GRIK1: variants seen among roughly 807,000 people sequenced by gnomAD.
GRIK1 encodes glutamate ionotropic receptor kainate type subunit 1.
A neutral mutation model predicts 105.7 loss-of-function variants in GRIK1; 69 were observed. The observed-to-expected ratio is 0.65, with a 90% CI of 0.54 to 0.80. The LOEUF (loss-of-function observed/expected upper bound fraction) is 0.80. GRIK1 is among the 30% of genes least tolerant of loss of function. GRIK1 has a pLI of 0.00. For missense variants in GRIK1, 1,109 were observed against 1,167.3 expected (o/e 0.95, Z 0.73); for synonymous variants, 438 against 431.3 (o/e 1.02, Z -0.19).
At chr21:29,642,780 A>T (rs1259548312) in intron 7 of GRIK1, 46 bp downstream of exon 7, 2 of 1,589,878 alleles carry the variant, frequency 1.3e-6, no homozygotes, top group Non-Finnish European at 1.7e-6. Flanking sequence ...GGGCAAGCCC[A>T]ACAGTGCTCA....
chr21:29,670,680 C>T (rs1159284665), intron 4 of GRIK1, among the ~76,000 whole-genome samples: 1 of 152,200 alleles, frequency 6.6e-6, no homozygotes, highest in African/African-American at 2.4e-5. Flanking sequence ...TCTGTTACAA[C>T]AGGCCCCTGG....
chr21:29,587,095 A>G lies in GRIK1; in HGVS notation c.1793+271T>C, dbSNP rs553538885. 1.7e-4 allele frequency among the ~76,000 whole-genome samples: 26 copies of G among 152,320 alleles called. No individual in the cohort carries two copies. In the East Asian group the frequency reaches 5.0e-3, roughly 29 times the overall value. On this transcript the variant is annotated intron_variant, in intron 12 of 17. Coordinates refer to ENST00000327783, the MANE Select transcript of GRIK1 (RefSeq NM_001330994.2). ...ATTACTTTTGTTATAAATCAAGGAAAATGGCTAAATAACCATTTTATGTTG... is the reference window on the plus strand; with the variant it reads ...ATTACTTTTGTTATAAATCAAGGAAGATGGCTAAATAACCATTTTATGTTG...
chr21:29,683,753 C>T (rs917255301), intron 3 of GRIK1, among the ~76,000 whole-genome samples: 2 of 152,122 alleles, frequency 1.3e-5, no homozygotes, highest in African/African-American at 4.8e-5. Context: ...TCATATGTAC[C>T]CTTTAATCTA....
In GRIK1 at chr21:29,832,575, C is replaced by T. The variant is rs116349722; in HGVS notation, c.118+106808G>A. Among the ~76,000 whole-genome samples the T allele has an allele frequency of 7.7e-3, 1,167 of 152,288 alleles. 16 individuals carry two copies. The highest frequency in any genetic ancestry group is 0.027 in the African/African-American group (1,122 of 41,558). ...GCCATCAAATCTTATGGGTTGTACACTCTGGAGCAGTAGCCTGAGGTGTAT... is the reference window on the plus strand; with the variant it reads ...GCCATCAAATCTTATGGGTTGTACATTCTGGAGCAGTAGCCTGAGGTGTAT... On this transcript the variant is annotated intron_variant, in intron 1 of 17. Transcript: ENST00000327783.
At chr21:29,870,879 C>T (rs977981279) in intron 1 of GRIK1, among the ~76,000 whole-genome samples, 12 of 152,132 alleles carry the variant, frequency 7.9e-5, no homozygotes, top group South Asian at 2.1e-4. Flanking sequence ...GCCTTTGAGA[C>T]GTAAACTTTT....
At position 29,857,334 on chromosome 21, in the gene GRIK1, T is replaced by G. The variant is rs546349273; in HGVS notation, c.118+82049A>C. Among the ~76,000 whole-genome samples, 5 of 152,342 alleles carry G rather than the reference T, an allele frequency of 3.3e-5. No homozygotes were observed. In the South Asian group the frequency reaches 1.0e-3, roughly 32 times the overall value. ...TTCAAATTTGTGTTCTTTCCCATGA[T>G]TTCACACTGCCTTCCAAGCCTGGCA... On this transcript the variant is annotated intron_variant, in intron 1 of 17. Transcript: ENST00000327783.
chr21:29,563,507 G>A (rs960787596), intron 14 of GRIK1, among the ~76,000 whole-genome samples: 1 of 152,264 alleles, frequency 6.6e-6, no homozygotes, highest in South Asian at 2.1e-4. Flanking sequence ...CCACAGCCCC[G>A]GAGATATCTG....
chr21:29,806,363 T>C (rs1160777911), intron 1 of GRIK1, among the ~76,000 whole-genome samples: 1 of 152,094 alleles, frequency 6.6e-6, no homozygotes, highest in African/African-American at 2.4e-5. Context: ...AAGCTTTTTT[T>C]TTTCTCTCAA....
chr21:29,685,592 C>T (rs1490970953), intron 3 of GRIK1, among the ~76,000 whole-genome samples: 2 of 152,072 alleles, frequency 1.3e-5, no homozygotes, highest in African/African-American at 2.4e-5. Flanking sequence ...ATATTCAATG[C>T]TTTTGTTGTC....
chr21:29,767,058 G>A (rs1045039452), intron 1 of GRIK1, among the ~76,000 whole-genome samples: 4 of 152,136 alleles, frequency 2.6e-5, no homozygotes, highest in African/African-American at 7.2e-5. Context: ...AAATTCCCAA[G>A]CTAGCTAGAC....
chr21:29,781,245 T>C (rs2066090235), intron 1 of GRIK1, among the ~76,000 whole-genome samples: 1 of 152,176 alleles, frequency 6.6e-6, no homozygotes, highest in South Asian at 2.1e-4. Context: ...CTTTGCAACA[T>C]GCTCCTTCCT....
At chr21:29,804,754 G>T (rs1257038743) in intron 1 of GRIK1, among the ~76,000 whole-genome samples, 1 of 152,150 alleles carries the variant, frequency 6.6e-6, no homozygotes, top group African/African-American at 2.4e-5. Flanking sequence ...GCATGCAAAT[G>T]CCAGTTTGTG....
chr21:29,543,604 A>T (rs2090004825), intron 16 of GRIK1, among the ~76,000 whole-genome samples: 1 of 152,166 alleles, frequency 6.6e-6, no homozygotes, highest in South Asian at 2.1e-4. Context: ...CTTGGAATTT[A>T]AAAAAAGTGA....
intron 1 of GRIK1, among the ~76,000 whole-genome samples, chr21:29,901,842 A>G (rs948138303): frequency 2.6e-5 from 4 of 152,152 alleles, no homozygotes; most frequent in African/African-American, 7.2e-5. Flanking sequence ...AGACACAAGA[A>G]AAAAAAGGAG....
chr21:29,745,470 C>T (rs1398240400), intron 1 of GRIK1, among the ~76,000 whole-genome samples: 1 of 152,178 alleles, frequency 6.6e-6, no homozygotes, highest in Non-Finnish European at 1.5e-5. Flanking sequence ...AGGCAGATAA[C>T]TTTGGGTAAC....
intron 1 of GRIK1, among the ~76,000 whole-genome samples, chr21:29,783,347 G>A (rs902551478): frequency 4.6e-5 from 7 of 151,972 alleles, no homozygotes; most frequent in Admixed American, 4.6e-4. Flanking sequence ...CTCAATAAAT[G>A]TTTGCTGAAT....
At chr21:29,805,006 C>T (rs76465635) in intron 1 of GRIK1, among the ~76,000 whole-genome samples, 108 of 152,192 alleles carry the variant, frequency 7.1e-4, no homozygotes, top group Non-Finnish European at 1.1e-3. Context: ...GAGTGGACAA[C>T]TTTGTTTGCC....
intron 1 of GRIK1, among the ~76,000 whole-genome samples, chr21:29,817,759 C>A (rs1420466112): frequency 6.6e-6 from 1 of 152,096 alleles, no homozygotes; most frequent in Non-Finnish European, 1.5e-5. Flanking sequence ...TTTGCTTTTG[C>A]AAATCGCTGG....
chr21:29,831,146 C>T (rs1286192911), intron 1 of GRIK1, among the ~76,000 whole-genome samples: 2 of 152,094 alleles, frequency 1.3e-5, no homozygotes, highest in African/African-American at 4.8e-5. Context: ...TTTGCTGAAA[C>T]ACATAATAGA....
Sources: gnomAD v4.1 joint callset for allele counts (sites outside exome capture counted in the v4.1 genomes callset) on GRCh38, gnomAD v4.1.1 for gene constraint, MANE v1.5 for transcripts, NCBI Gene and HGNC (gene_info 2026-07-23, HGNC 2026-07-21) for gene names.